GLIS3: variants seen among roughly 807,000 people sequenced by gnomAD.
GLIS3 encodes the protein GLIS family zinc finger 3.
A neutral mutation model predicts 78.6 loss-of-function variants in GLIS3; 53 were observed. The ratio of observed to expected loss-of-function variants is 0.67; its 90% CI spans 0.54 to 0.85. The LOEUF is 0.85. Ranked by LOEUF, GLIS3 falls within the 40% of genes least tolerant of loss-of-function variation. The pLI, the probability that GLIS3 is intolerant of heterozygous loss-of-function variation, is 0.00. For missense variants in GLIS3, 1,703 were observed against 1,231.1 expected (o/e 1.38, Z -5.74); for synonymous variants, 684 against 509.9 (o/e 1.34, Z -4.60).
chr9:4,321,292 G>T (rs1382192211), intron 2 of GLIS3, among the ~76,000 whole-genome samples: 1 of 129,906 alleles, frequency 7.7e-6, no homozygotes, highest in Non-Finnish European at 1.5e-5. Flanking sequence ...AGTGGTGGCG[G>T]GCGCCTGTAG....
In GLIS3 at chr9:3,907,605, A is replaced by AACACACACACAC. The variant is rs1041005940; in HGVS notation, c.1984-8782_1984-8771dup. Among the ~76,000 whole-genome samples the AACACACACACAC allele has an allele frequency of 2.2e-3, 202 of 92,314 alleles. 5 individuals are homozygous for AACACACACACAC. Among genetic ancestry groups the AACACACACACAC allele is most frequent in the South Asian group, 8.2e-3 (19 of 2,308 alleles). The allele number at this position is 92,314 out of a possible 152,430, so 60.6% of individuals were successfully genotyped here. A position where few individuals can be genotyped will look rare whatever the true frequency, so the allele number is the denominator to read the frequency against. ...AATGGCTAGCATCCTCCACCCCCCAAACACACACACACACACACAGACACA... is the reference window on the plus strand; with the variant it reads ...AATGGCTAGCATCCTCCACCCCCCAAACACACACACACACACACACACACACACACAGACACA... On this transcript the variant is annotated intron_variant, in intron 6 of 10. Coordinates refer to ENST00000381971, the MANE Select transcript of GLIS3 (RefSeq NM_001042413.2).
At chr9:4,368,792 G>A in the GLIS3 span, among the ~76,000 whole-genome samples, 1,211 of 152,304 alleles carry the variant, frequency 8.0e-3, 19 homozygotes, top group African/African-American at 0.028. Flanking sequence ...CGGTTTTGAA[G>A]GACCCCTCTT....
At chr9:4,464,497 C>T in the GLIS3 span, among the ~76,000 whole-genome samples, 13 of 152,042 alleles carry the variant, frequency 8.6e-5, no homozygotes, top group Admixed American at 1.3e-4. Context: ...TGGGCTCAAG[C>T]GATTCTCCTG....
chr9:4,013,661 G>C (rs571177455), intron 4 of GLIS3, among the ~76,000 whole-genome samples: 2 of 152,274 alleles, frequency 1.3e-5, no homozygotes, highest in South Asian at 4.1e-4. Context: ...GTTATTCTCT[G>C]GGTAGAAAGT....
the GLIS3 span, among the ~76,000 whole-genome samples, chr9:4,397,283 C>T: frequency 6.6e-6 from 1 of 150,884 alleles, no homozygotes; most frequent in Admixed American, 6.6e-5. Context: ...CCTCGGCCTC[C>T]CAAAGTGCTG....
At position 4,158,356 on chromosome 9, in the gene GLIS3, TG is replaced by T. The variant is rs1187054429; in HGVS notation, c.389-32416del. 2.0e-5 allele frequency among the ~76,000 whole-genome samples: 3 copies of T among 152,204 alleles called. No homozygotes were observed. In the East Asian group the frequency reaches 5.8e-4, roughly 29 times the overall value. On this transcript the variant is annotated intron_variant, in intron 2 of 10. Coordinates refer to ENST00000381971, the MANE Select transcript of GLIS3 (RefSeq NM_001042413.2). Reference sequence around the variant, plus strand: ...CAAAGAGGGCAGAGGTCACAGTTACTGGGCTGTTACTGTCCCCTCTGTCACG... The same window carrying T: ...CAAAGAGGGCAGAGGTCACAGTTACTGGCTGTTACTGTCCCCTCTGTCACG...
At chr9:3,872,925 C>T (rs1276855755) in intron 8 of GLIS3, among the ~76,000 whole-genome samples, 1 of 151,752 alleles carries the variant, frequency 6.6e-6, no homozygotes, top group Non-Finnish European at 1.5e-5. Context: ...AAGATATGAG[C>T]AGAATAAAAT....
At chr9:4,451,574 C>T in the GLIS3 span, among the ~76,000 whole-genome samples, 5,632 of 152,002 alleles carry the variant, frequency 0.037, 387 homozygotes, top group African/African-American at 0.13. Flanking sequence ...TCGCACTTAC[C>T]CCAAAATTGA....
At chr9:3,883,031 TAAC>T (rs1462305764) in intron 7 of GLIS3, among the ~76,000 whole-genome samples, 1 of 152,078 alleles carries the variant, frequency 6.6e-6, no homozygotes, top group Admixed American at 6.6e-5. Flanking sequence ...TTGGAGGAAG[TAAC>T]AACAGACACA....
rs538066952 is a variant in GLIS3, at chr9:3,907,777, C to T, written c.1984-8942G>A. ...ATTGGCACCCATGCCTTGCTTTTTC[C>T]CCTTTCCCCATCCTCTCCTGAGTTC... On this transcript the variant is annotated intron_variant, in intron 6 of 10. Coordinates refer to ENST00000381971, the MANE Select transcript of GLIS3 (RefSeq NM_001042413.2). Among the ~76,000 whole-genome samples the T allele has an allele frequency of 2.0e-5, 3 of 152,256 alleles. No homozygotes were observed. The South Asian group carries it at 6.2e-4, about 32-fold the overall frequency.
intron 2 of GLIS3, among the ~76,000 whole-genome samples, chr9:4,139,290 G>C (rs1833629378): frequency 6.6e-6 from 1 of 152,182 alleles, no homozygotes; most frequent in African/African-American, 2.4e-5. Context: ...GCAATGACTG[G>C]TATCCCCCAG....
the GLIS3 span, among the ~76,000 whole-genome samples, chr9:4,489,871 G>A: frequency 1.3e-5 from 2 of 152,202 alleles, no homozygotes; most frequent in African/African-American, 4.8e-5. Context: ...ATCACCTCCA[G>A]CGACTCGAAG....
intron 2 of GLIS3, among the ~76,000 whole-genome samples, chr9:4,238,256 T>C (rs1563808661): frequency 6.6e-6 from 1 of 151,474 alleles, no homozygotes; most frequent in East Asian, 1.9e-4. Flanking sequence ...AGGTGATCTC[T>C]TAATAGAACT....
At chr9:4,120,963 T>C (rs76216856) in intron 3 of GLIS3, among the ~76,000 whole-genome samples, 1 of 152,260 alleles carries the variant, frequency 6.6e-6, no homozygotes, top group Non-Finnish European at 1.5e-5. Flanking sequence ...TACTTAAATA[T>C]GGCTCAATCA....
intron 2 of GLIS3, among the ~76,000 whole-genome samples, chr9:4,312,578 G>A (rs957757806): frequency 1.3e-5 from 2 of 152,222 alleles, no homozygotes; most frequent in African/African-American, 4.8e-5. Flanking sequence ...TTATACATAT[G>A]AAAAACAAAT....
chr9:4,015,476 T>A (rs2130084206), intron 4 of GLIS3, among the ~76,000 whole-genome samples: 1 of 152,328 alleles, frequency 6.6e-6, no homozygotes, highest in African/African-American at 2.4e-5. Flanking sequence ...AGAAATATTA[T>A]AACATGCTAT....
At position 4,286,147 on chromosome 9, in the gene GLIS3, A is replaced by G. The variant is rs368534339; in HGVS notation, c.279T>C (p.Asn93=). The G allele has an allele frequency of 5.0e-6, 8 of 1,613,920 alleles. No homozygotes were observed. The highest frequency in any genetic ancestry group is 1.3e-5 in the African/African-American group (1 of 74,914). ...GGGTGACCTGGAATCGCGGCTTCCC[A>G]TTGGTGAGCATTTGTCTCCTGGGGC... The part of the protein sequence containing the change: ...ALSPRRQMLT[N]GKPRFQVTQA... The change falls in exon 2 of 11, where the codon AAT becomes AAC. Residue 93 remains asparagine, a synonymous_variant. Transcript: ENST00000381971.
chr9:4,124,611 A>C (rs1832431077), intron 3 of GLIS3, among the ~76,000 whole-genome samples: 1 of 152,218 alleles, frequency 6.6e-6, no homozygotes, highest in Non-Finnish European at 1.5e-5. Flanking sequence ...TCAGGTGAAA[A>C]ACAAGTTTCT....
At chr9:4,340,719 C>T (rs191471027) in intron 2 of GLIS3, among the ~76,000 whole-genome samples, 4 of 152,264 alleles carry the variant, frequency 2.6e-5, no homozygotes, top group Admixed American at 6.5e-5. Flanking sequence ...GACAGAGTCT[C>T]GCTCTGTCAC....
Sources: allele counts gnomAD v4.1 joint callset (sites outside exome capture counted in the v4.1 genomes callset), GRCh38; gene constraint gnomAD v4.1.1; transcripts MANE v1.5; gene names NCBI Gene and HGNC (gene_info 2026-07-23, HGNC 2026-07-21).